Variants in DLGAP2 observed in about 807,000 individuals in gnomAD.
DLGAP2 encodes disks large-associated protein 2.
Under a neutral mutation model 100.3 loss-of-function variants are expected in DLGAP2, and 26 were observed. The ratio of observed to expected loss-of-function variants is 0.26; its 90% confidence interval spans 0.19 to 0.36. DLGAP2 has a LOEUF of 0.36. DLGAP2 is among the 10% of genes least tolerant of loss of function. The pLI, the probability that DLGAP2 is intolerant of heterozygous loss-of-function variation, is 1.00. For missense variants in DLGAP2, 1,858 were observed against 1,453.2 expected (o/e 1.28, Z -4.53); for synonymous variants, 886 against 630.1 (o/e 1.41, Z -6.08).
intron 1 of DLGAP2, among the ~76,000 whole-genome samples, chr8:882,699 G>A (rs933640144): frequency 7.6e-5 from 10 of 132,352 alleles, no homozygotes; most frequent in South Asian, 5.7e-4. Context: ...CTGATCCAGC[G>A]GTACCTCTCC....
chr8:1,229,709 T>C (rs886088943), intron 2 of DLGAP2, among the ~76,000 whole-genome samples: 1 of 152,160 alleles, frequency 6.6e-6, no homozygotes, highest in South Asian at 2.1e-4. Flanking sequence ...GCAAGGTTGG[T>C]TCAGTGCACA....
intron 1 of DLGAP2, among the ~76,000 whole-genome samples, chr8:829,897 A>G (rs1796750327): frequency 6.6e-6 from 1 of 152,202 alleles, no homozygotes; most frequent in Non-Finnish European, 1.5e-5. Flanking sequence ...ACATGCGCAC[A>G]CCTCAGTTTA....
At chr8:1,299,962 T>G (rs1017338329) in intron 3 of DLGAP2, 1 of 152,254 alleles carries the variant, frequency 6.6e-6, no homozygotes, top group Non-Finnish European at 1.5e-5. Flanking sequence ...CAGACCTGGC[T>G]CCTGGGGAGG....
chr8:1,308,384 T>C (rs1800540273), intron 3 of DLGAP2, among the ~76,000 whole-genome samples: 1 of 152,060 alleles, frequency 6.6e-6, no homozygotes, highest in Non-Finnish European at 1.5e-5. Flanking sequence ...CCTTCAACAA[T>C]CAAAAACAGC....
At chr8:1,223,865 A>G (rs186382065) in intron 2 of DLGAP2, among the ~76,000 whole-genome samples, 1 of 152,342 alleles carries the variant, frequency 6.6e-6, no homozygotes, top group East Asian at 1.9e-4. Flanking sequence ...TTGAGCATCT[A>G]TATGTTCTGT....
chr8:1,495,859 T>C (rs981092246), intron 3 of DLGAP2, among the ~76,000 whole-genome samples: 1 of 152,112 alleles, frequency 6.6e-6, no homozygotes, highest in South Asian at 2.1e-4. Flanking sequence ...ATAGCGCGTG[T>C]CCATCTGCAA....
rs575062392 is a variant in DLGAP2 at position 779,498 on chromosome 8, C to G, written c.18+41673C>G. Among the ~76,000 whole-genome samples the G allele has an allele frequency of 1.0e-4, 15 of 147,050 alleles. No individual in the cohort carries two copies. The South Asian group carries it at 2.3e-3, about 23-fold the overall frequency. ...TTTTTTTTTCAGACAGGGTCTTGCT[C>G]TGTCGCCCAGGCTGGAGTGCAGTGG... On this transcript the variant is annotated intron_variant, in intron 1 of 14. Transcript: ENST00000637795.
intron 3 of DLGAP2, among the ~76,000 whole-genome samples, chr8:1,451,505 A>C (rs989126051): frequency 9.1e-6 from 1 of 109,324 alleles, no homozygotes; most frequent in Non-Finnish European, 1.9e-5. Flanking sequence ...CTACCTCAGC[A>C]CCACCCCTGG....
chr8:1,131,490 G>A (rs1048855982), intron 2 of DLGAP2, among the ~76,000 whole-genome samples: 77 of 152,218 alleles, frequency 5.1e-4, no homozygotes, highest in African/African-American at 1.7e-3. Context: ...TCCCACCTTG[G>A]GTTCTCCACC....
intron 2 of DLGAP2, among the ~76,000 whole-genome samples, chr8:1,042,685 G>A (rs1802387689): frequency 6.6e-6 from 1 of 152,134 alleles, no homozygotes; most frequent in African/African-American, 2.4e-5. Flanking sequence ...GTAGGTGGTG[G>A]ATGTGGGTGT....
chr8:741,230 C>A (rs1820474258), intron 1 of DLGAP2, among the ~76,000 whole-genome samples: 1 of 152,180 alleles, frequency 6.6e-6, no homozygotes, highest in Admixed American at 6.6e-5. Context: ...TTGGCATTGA[C>A]CAGGCATGGG....
At chr8:805,448 C>T (rs1796249975) in intron 1 of DLGAP2, among the ~76,000 whole-genome samples, 1 of 152,126 alleles carries the variant, frequency 6.6e-6, no homozygotes, top group Non-Finnish European at 1.5e-5. Flanking sequence ...CCGCTAGACT[C>T]TTCACTTATC....
intron 3 of DLGAP2, among the ~76,000 whole-genome samples, chr8:1,289,074 C>G (rs1380422207): frequency 1.3e-5 from 2 of 152,160 alleles, no homozygotes; most frequent in Non-Finnish European, 2.9e-5. Flanking sequence ...TTGCTTCTGT[C>G]TGGGAACTGG....
intron 6 of DLGAP2, among the ~76,000 whole-genome samples, chr8:1,596,921 A>G (rs1796476666): frequency 6.6e-6 from 1 of 152,126 alleles, no homozygotes; most frequent in Non-Finnish European, 1.5e-5. Context: ...TTGGTGTTTT[A>G]GTCATGAAGT....
chr8:1,025,285 C>A (rs984931233), intron 2 of DLGAP2, among the ~76,000 whole-genome samples: 1 of 152,120 alleles, frequency 6.6e-6, no homozygotes, highest in African/African-American at 2.4e-5. Context: ...ACCTGGATCC[C>A]CGATCCTGAA....
rs556806126 is a variant in DLGAP2 at position 824,611 on chromosome 8, C to T, written c.19-83301C>T. On this transcript the variant is annotated intron_variant, in intron 1 of 14. Transcript: ENST00000637795. ...CCCCAGTCCTGGCTCCGGGAGCTTC[C>T]CCTCTGGTGAAGATGACTGCTGACC... is the stretch of plus-strand genomic sequence containing the variant. 1.2e-3 allele frequency among the ~76,000 whole-genome samples: 187 copies of T among 152,066 alleles called. 1 individual carries two copies. Among genetic ancestry groups the T allele is most frequent in the Admixed American group, 0.012 (181 of 15,278 alleles).
intron 1 of DLGAP2, among the ~76,000 whole-genome samples, chr8:837,639 G>A (rs1056301038): frequency 2.6e-5 from 4 of 151,022 alleles, no homozygotes; most frequent in East Asian, 1.9e-4. Flanking sequence ...TGTGTTGGGC[G>A]CCTTGTAGAA....
intron 2 of DLGAP2, among the ~76,000 whole-genome samples, chr8:1,177,352 T>C (rs762785567): frequency 6.6e-6 from 1 of 152,150 alleles, no homozygotes; most frequent in South Asian, 2.1e-4. Context: ...CTGGCTGTTT[T>C]ATCAGGTTTA....
intron 2 of DLGAP2, among the ~76,000 whole-genome samples, chr8:1,213,695 C>G (rs1161034293): frequency 6.6e-6 from 1 of 152,138 alleles, no homozygotes; most frequent in African/African-American, 2.4e-5. Flanking sequence ...CACATCTTCT[C>G]TAATATCCAA....
Sources: allele counts gnomAD v4.1 joint callset (sites outside exome capture counted in the v4.1 genomes callset), GRCh38; gene constraint gnomAD v4.1.1; transcripts MANE v1.5; gene names NCBI Gene and HGNC (gene_info 2026-07-23, HGNC 2026-07-21).